Variants in CHCHD6 observed in about 807,000 individuals in gnomAD.
CHCHD6 encodes the protein coiled-coil-helix-coiled-coil-helix domain containing 6.
CHCHD6 carries 28 observed loss-of-function variants against 32.3 expected under a neutral mutation model. The ratio of observed to expected loss-of-function variants is 0.87; its 90% CI spans 0.64 to 1.19. The LOEUF is 1.19. CHCHD6 is among the 50% of genes most tolerant of loss of function. CHCHD6 has a pLI of 0.00. For missense variants in CHCHD6, 333 were observed against 307.0 expected, an observed-to-expected ratio of 1.08 and a Z score of -0.63; for synonymous variants, 122 against 117.5, an observed-to-expected ratio of 1.04 and a Z score of -0.25.
At chr3:126,812,764 A>C (rs539398632) in intron 4 of CHCHD6, among the ~76,000 whole-genome samples, 1 of 151,894 alleles carries the variant, frequency 6.6e-6, no homozygotes, top group Non-Finnish European at 1.5e-5. Context: ...TTTTATGACA[A>C]TGCTTTTTGT....
intron 5 of CHCHD6, among the ~76,000 whole-genome samples, chr3:126,914,380 G>A (rs1576595672): frequency 6.6e-6 from 1 of 152,232 alleles, no homozygotes; most frequent in East Asian, 1.9e-4. Context: ...GCGTGGCTGT[G>A]TGCCAGTAAA....
intron 4 of CHCHD6, among the ~76,000 whole-genome samples, chr3:126,799,883 A>G (rs1410015332): frequency 6.6e-6 from 1 of 152,158 alleles, no homozygotes; most frequent in Non-Finnish European, 1.5e-5. Context: ...TTGTTTTGTA[A>G]ACAGTCTTTT....
intron 4 of CHCHD6, among the ~76,000 whole-genome samples, chr3:126,800,080 C>A (rs1446904043): frequency 1.3e-5 from 2 of 152,158 alleles, no homozygotes; most frequent in Non-Finnish European, 2.9e-5. Flanking sequence ...ACATCTACAT[C>A]TTTCCTTCTT....
At chr3:126,918,003 C>T (rs1056304639) in intron 6 of CHCHD6, among the ~76,000 whole-genome samples, 1 of 152,206 alleles carries the variant, frequency 6.6e-6, no homozygotes, top group African/African-American at 2.4e-5. Context: ...GGCTAAGATA[C>T]TGTTAATAAC....
chr3:126,909,108 C>A (rs1336612807), intron 5 of CHCHD6, among the ~76,000 whole-genome samples: 1 of 152,254 alleles, frequency 6.6e-6, no homozygotes, highest in Non-Finnish European at 1.5e-5. Context: ...GCGCCCAGCA[C>A]AGCCTGTGCA....
chr3:126,807,234 C>T (rs73201794), intron 4 of CHCHD6, among the ~76,000 whole-genome samples: 8,139 of 151,528 alleles, frequency 0.054, 317 homozygotes, highest in South Asian at 0.2. Flanking sequence ...ATTCAGCCTC[C>T]ATAGTCCCAA....
At chr3:126,922,845 G>A (rs2078271828) in intron 6 of CHCHD6, among the ~76,000 whole-genome samples, 1 of 152,266 alleles carries the variant, frequency 6.6e-6, no homozygotes, top group Admixed American at 6.5e-5. Flanking sequence ...TGCATGGAGA[G>A]AGAGTTGACC....
intron 5 of CHCHD6, among the ~76,000 whole-genome samples, chr3:126,855,464 G>A (rs1941632226): frequency 6.6e-6 from 1 of 152,232 alleles, no homozygotes; most frequent in South Asian, 2.1e-4. Flanking sequence ...CTGGTGCACA[G>A]CAGTACTGGG....
chr3:126,780,832 A>G (rs1041467136), intron 4 of CHCHD6, among the ~76,000 whole-genome samples: 1 of 152,226 alleles, frequency 6.6e-6, no homozygotes, highest in Non-Finnish European at 1.5e-5. Context: ...TTCCTGCACA[A>G]GAAGACTGCA....
chr3:126,768,552 G>T (rs1937470871), intron 4 of CHCHD6, among the ~76,000 whole-genome samples: 1 of 152,134 alleles, frequency 6.6e-6, no homozygotes, highest in African/African-American at 2.4e-5. Context: ...TGTCTTTATG[G>T]CAGAACAATT....
chr3:126,863,099 C>T (rs1326181018), intron 5 of CHCHD6, among the ~76,000 whole-genome samples: 1 of 46,338 alleles, frequency 2.2e-5, no homozygotes. Context: ...TCCACCATCA[C>T]CACCTCCTCC....
At chr3:126,957,279 T>G in intron 6 of CHCHD6, 137 bp from the exon 7 acceptor site, 106 of 946,668 alleles carry the variant, frequency 1.1e-4, no homozygotes, top group Non-Finnish European at 1.6e-4. Flanking sequence ...TGCTTCTCCT[T>G]GAGGGTTAAA....
intron 4 of CHCHD6, among the ~76,000 whole-genome samples, chr3:126,842,566 C>T (rs778838929): frequency 1.6e-4 from 25 of 152,174 alleles, no homozygotes; most frequent in Non-Finnish European, 3.2e-4. Flanking sequence ...TGCAGCAAGT[C>T]ACTTAATCTG....
chr3:126,770,879 T>C (rs1198262202), intron 4 of CHCHD6, among the ~76,000 whole-genome samples: 1 of 152,232 alleles, frequency 6.6e-6, no homozygotes, highest in Non-Finnish European at 1.5e-5. Context: ...CCTCAATTTT[T>C]TGAAATAGTT....
intron 5 of CHCHD6, among the ~76,000 whole-genome samples, chr3:126,892,182 T>TCAGCGC (rs2077771372): frequency 6.6e-6 from 1 of 152,214 alleles, no homozygotes; most frequent in Non-Finnish European, 1.5e-5. Flanking sequence ...TATGGCCCTT[T>TCAGCGC]CAGCGCCAGC....
intron 5 of CHCHD6, among the ~76,000 whole-genome samples, chr3:126,912,899 C>T (rs1318829811): frequency 6.6e-6 from 1 of 152,232 alleles, no homozygotes; most frequent in Non-Finnish European, 1.5e-5. Flanking sequence ...ATCCCTGCCT[C>T]AGTTACCTTC....
intron 4 of CHCHD6, among the ~76,000 whole-genome samples, chr3:126,844,768 G>A (rs1178039991): frequency 6.6e-6 from 1 of 152,146 alleles, no homozygotes; most frequent in African/African-American, 2.4e-5. Flanking sequence ...ATTAAGTTAA[G>A]GATATGTGAT....
chr3:126,722,333 A>T (rs930445756), intron 1 of CHCHD6, among the ~76,000 whole-genome samples: 7 of 152,058 alleles, frequency 4.6e-5, no homozygotes, highest in Admixed American at 2.6e-4. Context: ...TTAAAAAAAA[A>T]TTTTTGTTTT....
At chr3:126,738,249 T>C (rs1936137982) in intron 4 of CHCHD6, among the ~76,000 whole-genome samples, 1 of 152,192 alleles carries the variant, frequency 6.6e-6, no homozygotes, top group African/African-American at 2.4e-5. Flanking sequence ...TTCAACCCAC[T>C]GTGGATCGAA....
Sources: allele counts gnomAD v4.1 joint callset (sites outside exome capture counted in the v4.1 genomes callset), GRCh38; gene constraint gnomAD v4.1.1; transcripts MANE v1.5; gene names NCBI Gene and HGNC (gene_info 2026-07-23, HGNC 2026-07-21).